CDK14: variants seen among roughly 807,000 people sequenced by gnomAD.
CDK14 encodes the protein cyclin-dependent kinase 14.
Under a neutral mutation model 60.7 loss-of-function variants are expected in CDK14, and 34 were observed. The observed-to-expected ratio is 0.56, with a 90% confidence interval of 0.43 to 0.75. The LOEUF (loss-of-function observed/expected upper bound fraction) is 0.75. Among genes scored for constraint, CDK14 ranks in the 30% least tolerant of loss-of-function variants. CDK14 has a pLI of 0.00. For missense variants in CDK14, 482 were observed against 564.1 expected (o/e 0.85, Z 1.47); for synonymous variants, 197 against 203.7 (o/e 0.97, Z 0.28).
chr7:91,013,250 A>C (rs150611694), intron 10 of CDK14, among the ~76,000 whole-genome samples: 303 of 151,824 alleles, frequency 2.0e-3, no homozygotes, highest in African/African-American at 6.7e-3. Context: ...AGGTCTTACC[A>C]AGGCTTCTGA....
chr7:90,808,133 C>G (rs879779554), intron 5 of CDK14, among the ~76,000 whole-genome samples: 7 of 152,098 alleles, frequency 4.6e-5, no homozygotes, highest in South Asian at 2.1e-4. Context: ...AGATACTCCT[C>G]GAGAAGAGCA....
intron 2 of CDK14, among the ~76,000 whole-genome samples, chr7:90,689,548 G>C (rs1370091649): frequency 6.6e-6 from 1 of 152,048 alleles, no homozygotes; most frequent in Non-Finnish European, 1.5e-5. Flanking sequence ...CCTTTGAGGA[G>C]AAAAAGACCG....
intron 11 of CDK14, among the ~76,000 whole-genome samples, chr7:91,064,942 T>A (rs1797931310): frequency 1.3e-5 from 2 of 152,234 alleles, no homozygotes; most frequent in Non-Finnish European, 2.9e-5. Context: ...GAAAGAGAAG[T>A]AGTCTATGAC....
chr7:90,669,855 C>G (rs527279834), intron 2 of CDK14, among the ~76,000 whole-genome samples: 21 of 152,182 alleles, frequency 1.4e-4, no homozygotes, highest in African/African-American at 4.8e-4. Context: ...GAATAAATGA[C>G]AAATGCAAGA....
At chr7:91,140,906 T>A (rs2115613576) in intron 14 of CDK14, among the ~76,000 whole-genome samples, 1 of 152,222 alleles carries the variant, frequency 6.6e-6, no homozygotes, top group South Asian at 2.1e-4. Context: ...TTTCCATTTC[T>A]TTTACCTAAA....
intron 4 of CDK14, among the ~76,000 whole-genome samples, chr7:90,771,088 C>T (rs887160704): frequency 1.3e-5 from 2 of 152,200 alleles, no homozygotes; most frequent in Non-Finnish European, 2.9e-5. Context: ...TAGTAATTTT[C>T]CATCCACCAA....
At chr7:91,182,746 G>GA (rs1802043364) in intron 14 of CDK14, among the ~76,000 whole-genome samples, 1 of 151,962 alleles carries the variant, frequency 6.6e-6, no homozygotes, top group Admixed American at 6.6e-5. Flanking sequence ...AGAACAAAAG[G>GA]AAAAAATATG....
chr7:90,750,846 C>A (rs530321067), intron 4 of CDK14, among the ~76,000 whole-genome samples: 3 of 151,460 alleles, frequency 2.0e-5, no homozygotes, highest in South Asian at 2.1e-4. Context: ...GCACTCCAGC[C>A]TGGGCAACAG....
At chr7:90,670,142 G>A (rs1394868055) in intron 2 of CDK14, among the ~76,000 whole-genome samples, 4 of 152,214 alleles carry the variant, frequency 2.6e-5, no homozygotes, top group African/African-American at 9.7e-5. Flanking sequence ...TGCAGAGGCT[G>A]TAGGAAGTAG....
At position 90,598,704 on chromosome 7, in the gene CDK14, A is replaced by ATTTTTTTTTTTTTTTTT. The variant is rs796093975; in HGVS notation, c.91+1988_91+2004dup. ...GTGAACTCATTCTGATTATCTAAGG[A>ATTTTTTTTTTTTTTTTT]TTTTTTTTTTTTTTTTTTGAGACGG... is the stretch of plus-strand genomic sequence containing the variant. On this transcript the variant is annotated intron_variant, in intron 1 of 14. Coordinates refer to ENST00000380050, the MANE Select transcript of CDK14 (RefSeq NM_001287135.2). Among the ~76,000 whole-genome samples, 401 of 87,748 alleles carry ATTTTTTTTTTTTTTTTT rather than the reference A, an allele frequency of 4.6e-3. 50 individuals are homozygous for ATTTTTTTTTTTTTTTTT. Among genetic ancestry groups the ATTTTTTTTTTTTTTTTT allele is most frequent in the East Asian group, 0.014 (48 of 3,416 alleles). The allele number at this position is 87,748 out of a possible 152,430, so 57.6% of individuals were successfully genotyped here.
In CDK14 at chr7:90,807,191, G is replaced by A. The variant is rs185989968; in HGVS notation, c.544+16539G>A. On this transcript the variant is annotated intron_variant, in intron 5 of 14. Coordinates refer to ENST00000380050, the MANE Select transcript of CDK14 (RefSeq NM_001287135.2). ...CTCCTCAAGTGGGTCCCTGACCCCC[G>A]AGTAGCGTAAGTGGGAGGCACCACC... 1.9e-3 allele frequency among the ~76,000 whole-genome samples: 292 copies of A among 152,322 alleles called. 1 individual carries two copies. The highest frequency in any genetic ancestry group is 6.7e-3 in the African/African-American group (280 of 41,566).
chr7:90,656,780 T>C (rs1317395901), intron 2 of CDK14, among the ~76,000 whole-genome samples: 1 of 152,220 alleles, frequency 6.6e-6, no homozygotes, highest in Admixed American at 6.5e-5. Context: ...TAGAGCATCT[T>C]GTGTGACAAT....
chr7:91,003,379 A>G (rs904165131), intron 10 of CDK14, among the ~76,000 whole-genome samples: 9 of 151,646 alleles, frequency 5.9e-5, no homozygotes, highest in African/African-American at 2.2e-4. Context: ...CCTTGACAAC[A>G]CTCCTGTCAT....
At chr7:90,655,538 G>A (rs1467069335) in intron 2 of CDK14, among the ~76,000 whole-genome samples, 5 of 152,164 alleles carry the variant, frequency 3.3e-5, no homozygotes, top group Non-Finnish European at 5.9e-5. Context: ...ACATACTTAA[G>A]TATGATCTGA....
intron 8 of CDK14, among the ~76,000 whole-genome samples, chr7:90,930,529 C>CCT (rs1793559472): frequency 2.5e-5 from 2 of 81,386 alleles, no homozygotes; most frequent in Admixed American, 2.7e-4. Flanking sequence ...ACAGGCTAAG[C>CCT]TTTTTTTTTT....
chr7:91,106,016 A>C (rs903194330), intron 12 of CDK14, among the ~76,000 whole-genome samples: 1 of 152,238 alleles, frequency 6.6e-6, no homozygotes, highest in Non-Finnish European at 1.5e-5. Flanking sequence ...ATGAAAGAGT[A>C]AAGACATGGA....
At chr7:90,634,895 A>G (rs547158807) in intron 2 of CDK14, among the ~76,000 whole-genome samples, 1 of 152,084 alleles carries the variant, frequency 6.6e-6, no homozygotes, top group East Asian at 1.9e-4. Context: ...GATGATGAGC[A>G]TTTTTTCATG....
chr7:90,730,612 A>G (rs980099513), intron 3 of CDK14, among the ~76,000 whole-genome samples: 1 of 152,082 alleles, frequency 6.6e-6, no homozygotes, highest in Non-Finnish European at 1.5e-5. Context: ...ACCAGTGATG[A>G]TGAGCTTTTT....
At chr7:90,845,601 C>T (rs1790442295) in intron 5 of CDK14, among the ~76,000 whole-genome samples, 1 of 151,818 alleles carries the variant, frequency 6.6e-6, no homozygotes, top group South Asian at 2.1e-4. Context: ...TTTTTGCCAG[C>T]TCACTTTTCT....
Sources: allele counts gnomAD v4.1 joint callset (sites outside exome capture counted in the v4.1 genomes callset), GRCh38; gene constraint gnomAD v4.1.1; transcripts MANE v1.5; gene names NCBI Gene and HGNC (gene_info 2026-07-23, HGNC 2026-07-21).